PPP1R7: variants seen among roughly 807,000 people sequenced by gnomAD.
The protein encoded by PPP1R7 is protein phosphatase 1 regulatory subunit 7.
A neutral mutation model predicts 45.2 loss-of-function variants in PPP1R7; 18 were observed. That is an observed-to-expected ratio of 0.40 (90% confidence interval 0.28 to 0.59). The LOEUF (loss-of-function observed/expected upper bound fraction) is 0.59, where lower values mean the gene tolerates loss of function less well. Ranked by LOEUF, PPP1R7 falls within the 20% of genes least tolerant of loss-of-function variation. The probability of loss-of-function intolerance (pLI) is 0.46; values close to 1 mark genes in which losing one functional copy is unlikely to be tolerated. For missense variants in PPP1R7, 314 were observed against 455.8 expected (o/e 0.69, Z 2.83); for synonymous variants, 181 against 183.4 (o/e 0.99, Z 0.11).
intron 6 of PPP1R7, among the ~76,000 whole-genome samples, chr2:241,161,738 G>T (rs532031781): frequency 2.2e-4 from 34 of 152,338 alleles, no homozygotes; most frequent in South Asian, 1.4e-3. Flanking sequence ...TTGGGAGGGC[G>T]TCCCAGGAGG....
At chr2:241,172,500 C>T (rs144463722) in intron 9 of PPP1R7, among the ~76,000 whole-genome samples, 2,700 of 152,126 alleles carry the variant, frequency 0.018, 88 homozygotes, top group African/African-American at 0.061. Flanking sequence ...CAAAACTTAG[C>T]TGGGCATGGT....
At chr2:241,175,201 A>G (rs1356093073) in intron 9 of PPP1R7, among the ~76,000 whole-genome samples, 1 of 152,218 alleles carries the variant, frequency 6.6e-6, no homozygotes, top group Admixed American at 6.5e-5. Flanking sequence ...AAAACTCACC[A>G]TCTTAACCAT....
At chr2:241,180,601 C>T (rs151148396) in intron 9 of PPP1R7, among the ~76,000 whole-genome samples, 37 of 152,058 alleles carry the variant, frequency 2.4e-4, no homozygotes, top group Non-Finnish European at 7.3e-5. Context: ...TGACCAGTGA[C>T]CGGCCAATCA....
chr2:241,171,894 C>G (rs1396250832), intron 9 of PPP1R7, among the ~76,000 whole-genome samples: 1 of 152,204 alleles, frequency 6.6e-6, no homozygotes, highest in East Asian at 1.9e-4. Flanking sequence ...TGGAATCTTT[C>G]TCCATCCATT....
intron 9 of PPP1R7, among the ~76,000 whole-genome samples, chr2:241,180,630 G>A (rs900409104): frequency 2.6e-4 from 40 of 152,068 alleles, no homozygotes; most frequent in African/African-American, 9.2e-4. Flanking sequence ...GCAGGTGGAT[G>A]GCTTCCCCTG....
At chr2:241,173,143 G>A (rs1378387914) in intron 9 of PPP1R7, among the ~76,000 whole-genome samples, 3 of 151,648 alleles carry the variant, frequency 2.0e-5, no homozygotes, top group African/African-American at 4.8e-5. Context: ...GTGGTGGCAC[G>A]TGCCTGTAGT....
At chr2:241,157,773 G>T (rs761946705) in intron 2 of PPP1R7, 34 bp from the exon 3 acceptor site, 1 of 1,599,932 alleles carries the variant, frequency 6.3e-7, no homozygotes, top group East Asian at 2.2e-5. Flanking sequence ...TGTTAATGGG[G>T]TTCTGAACAA....
chr2:241,177,032 ACTAGT>A (rs1276749929), intron 9 of PPP1R7, among the ~76,000 whole-genome samples: 2 of 152,162 alleles, frequency 1.3e-5, no homozygotes, highest in African/African-American at 4.8e-5. Context: ...GGAGTTTGAG[ACTAGT>A]CTAACCAATA....
At chr2:241,162,872 A>G (rs566060943) in intron 6 of PPP1R7, among the ~76,000 whole-genome samples, 1 of 152,212 alleles carries the variant, frequency 6.6e-6, no homozygotes, top group East Asian at 1.9e-4. Flanking sequence ...TTTAATAAAG[A>G]CAGGGTTTCA....
chr2:241,182,537 C>T, intron 9 of PPP1R7, 110 bp from the exon 10 acceptor site: 1 of 1,376,526 alleles, frequency 7.3e-7, no homozygotes, highest in Non-Finnish European at 1.0e-6. Context: ...AAGACCCACA[C>T]CTGCTCGCCA....
chr2:241,152,888 G>C (rs557954115), intron 1 of PPP1R7, among the ~76,000 whole-genome samples: 6 of 152,298 alleles, frequency 3.9e-5, no homozygotes, highest in Non-Finnish European at 7.3e-5. Flanking sequence ...ACTCTGTCCA[G>C]TGTCCAGTGT....
Position 241,182,911 on chromosome 2 carries a change from C to A in PPP1R7, c.*88C>A. The stretch of plus-strand genomic sequence containing the variant: ...ACCCACCTGTTGCTCCTGAGGTCGT[C>A]ACTATATCAACAGTCACAAACCCAA... On this transcript the variant is annotated 3_prime_UTR_variant, in exon 10 of 10. Transcript: ENST00000234038. 6.9e-7 allele frequency: 1 copy of A among 1,447,188 alleles called. No individual in the cohort carries two copies. The highest frequency in any genetic ancestry group is 1.3e-5 in the South Asian group (1 of 77,032). The allele number at this position is 1,447,188 out of a possible 1,614,324, so 89.6% of individuals were successfully genotyped here.
Position 241,150,527 on chromosome 2 carries a change from A to G in PPP1R7, c.32A>G (p.Gln11Arg). The change falls in exon 1 of 10, where the codon CAG becomes CGG. Residue 11 changes from glutamine to arginine, a missense_variant. Physicochemically the swap from Gln to Arg is conservative, Grantham distance 43. Around this residue, in one of 3 missense-constraint regions of PPP1R7, gnomAD observed 34 missense variants for 26.0 expected, o/e 1.31. Coordinates refer to ENST00000234038, the MANE Select transcript of PPP1R7 (RefSeq NM_002712.3). ...GCGGAACGCGGCGCGGGGCAGCAAC[A>G]GTCGCAGGAGATGATGGAGGGTGAG... MAAERGAGQQQSQEMMEVDRR... is the reference protein window; with the variant it reads MAAERGAGQQRSQEMMEVDRR... 1 of 1,598,558 alleles carries G rather than the reference A, an allele frequency of 6.3e-7. No individual in the cohort carries two copies. The highest frequency in any genetic ancestry group is 8.5e-7 in the Non-Finnish European group (1 of 1,173,992).
At chr2:241,158,584 C>T (rs1182113165) in intron 4 of PPP1R7, 35 bp downstream of exon 4, 1 of 1,582,424 alleles carries the variant, frequency 6.3e-7, no homozygotes. Context: ...CTATGACGCT[C>T]ACCCATAGGA....
At chr2:241,166,308 C>A in intron 7 of PPP1R7, 29 bp from the exon 8 acceptor site, 6 of 1,582,490 alleles carry the variant, frequency 3.8e-6, no homozygotes, top group Non-Finnish European at 5.2e-6. Context: ...CTGTACTGTT[C>A]TGACAGCTGT....
intron 4 of PPP1R7, chr2:241,158,780 T>C: frequency 1.9e-6 from 1 of 533,848 alleles, no homozygotes; most frequent in Non-Finnish European, 3.4e-6. Flanking sequence ...AGGCAGCCAG[T>C]GACCTGTGAC....
chr2:241,173,688 GT>G (rs780140145), intron 9 of PPP1R7, among the ~76,000 whole-genome samples: 4 of 152,172 alleles, frequency 2.6e-5, no homozygotes, highest in Non-Finnish European at 5.9e-5. Flanking sequence ...TGAAAACCCA[GT>G]TATGCATGTT....
chr2:241,157,668 A>G (rs755440168), intron 2 of PPP1R7, 139 bp from the exon 3 acceptor site: 16 of 735,532 alleles, frequency 2.2e-5, no homozygotes, highest in African/African-American at 3.5e-5. Context: ...GTCCTCAGCA[A>G]ACCTTCCCAT....
intron 1 of PPP1R7, 125 bp from the exon 2 acceptor site, chr2:241,153,351 C>G: frequency 7.8e-7 from 1 of 1,289,106 alleles, no homozygotes; most frequent in Non-Finnish European, 1.1e-6. Flanking sequence ...CTCAGATGTT[C>G]GTTGAACTGG....
Sources: allele counts gnomAD v4.1 joint callset (sites outside exome capture counted in the v4.1 genomes callset), GRCh38; gene constraint gnomAD v4.1.1; regional missense constraint gnomAD v4.1.1; transcripts MANE v1.5; gene names NCBI Gene and HGNC (gene_info 2026-07-23, HGNC 2026-07-21).